PFKFB3: variants seen among roughly 807,000 people sequenced by gnomAD.
PFKFB3 encodes 6-phosphofructo-2-kinase/fructose-2,6-biphosphatase 3.
A neutral mutation model predicts 68.0 loss-of-function variants in PFKFB3; 33 were observed. The observed-to-expected ratio is 0.49, with a 90% confidence interval of 0.37 to 0.65. PFKFB3 has a LOEUF of 0.65. Ranked by LOEUF, PFKFB3 falls within the 30% of genes least tolerant of loss-of-function variation. The pLI, the probability that PFKFB3 is intolerant of heterozygous loss-of-function variation, is 0.00. For synonymous variants in PFKFB3, 315 were observed against 288.2 expected, an observed-to-expected ratio of 1.09 and a Z score of -0.94; for missense variants, 586 against 712.2, an observed-to-expected ratio of 0.82 and a Z score of 2.02.
At chr10:6,194,909 A>T (rs7067751) in intron 1 of PFKFB3, among the ~76,000 whole-genome samples, 1 of 144,892 alleles carries the variant, frequency 6.9e-6, no homozygotes, top group East Asian at 2.0e-4. Context: ...GTCTTGCTCT[A>T]TCACCCAGGC....
the PFKFB3 span, among the ~76,000 whole-genome samples, chr10:6,272,275 CCCT>C: frequency 3.5e-3 from 533 of 152,294 alleles, 2 homozygotes; most frequent in Non-Finnish European, 6.5e-3. Flanking sequence ...TCTCCTGTGT[CCCT>C]CCCTTGACTC....
chr10:6,162,543 C>G (rs10905925), intron 1 of PFKFB3, among the ~76,000 whole-genome samples: 62,246 of 152,102 alleles, frequency 0.41, 13,857 homozygotes, highest in Non-Finnish European at 0.51. Flanking sequence ...TGTAAAGAAG[C>G]TCTTTCCTGC....
the PFKFB3 span, among the ~76,000 whole-genome samples, chr10:6,323,378 A>G: frequency 6.6e-6 from 1 of 152,208 alleles, no homozygotes; most frequent in African/African-American, 2.4e-5. Flanking sequence ...TTCAATGTCC[A>G]TAGGCAGAAA....
At chr10:6,170,379 C>CT (rs764239075) in intron 1 of PFKFB3, among the ~76,000 whole-genome samples, 163 of 152,058 alleles carry the variant, frequency 1.1e-3, no homozygotes, top group Non-Finnish European at 1.7e-3. Context: ...TTTATGTTTT[C>CT]TTTCTTGTTC....
intron 10 of PFKFB3, 33 bp downstream of exon 10, chr10:6,221,778 C>T (rs751671097): frequency 1.1e-5 from 16 of 1,431,066 alleles, no homozygotes; most frequent in Non-Finnish European, 1.5e-5. Context: ...TGACGGTCCC[C>T]AGCACACATG....
the PFKFB3 span, among the ~76,000 whole-genome samples, chr10:6,310,471 G>GA: frequency 1.2e-4 from 18 of 150,548 alleles, no homozygotes; most frequent in Non-Finnish European, 2.4e-4. Context: ...AAAGATATTC[G>GA]AAAAAAAAAG....
At chr10:6,194,965 C>T (rs1168705269) in intron 1 of PFKFB3, among the ~76,000 whole-genome samples, 1 of 151,980 alleles carries the variant, frequency 6.6e-6, no homozygotes, top group Non-Finnish European at 1.5e-5. Context: ...CTCCGCCTCC[C>T]AGGTTCGAGC....
chr10:6,150,981 C>T (rs1270666376), intron 1 of PFKFB3, among the ~76,000 whole-genome samples: 1 of 152,230 alleles, frequency 6.6e-6, no homozygotes, highest in Non-Finnish European at 1.5e-5. Flanking sequence ...GCCTGGGCGA[C>T]AGAGCCAAAC....
intron 1 of PFKFB3, chr10:6,163,966 C>G (rs1842048834): frequency 6.6e-6 from 1 of 152,354 alleles, no homozygotes; most frequent in Non-Finnish European, 1.5e-5. Flanking sequence ...CCGAGAAGGC[C>G]TGGGAGCGGC....
chr10:6,222,685 T>G (rs1219268908), intron 10 of PFKFB3, 170 bp from the exon 11 acceptor site: 5 of 642,292 alleles, frequency 7.8e-6, no homozygotes, highest in Non-Finnish European at 1.2e-5. Flanking sequence ...GCTTCACTCT[T>G]TTTGTGGCTG....
At chr10:6,192,582 C>A (rs1373058667) in intron 1 of PFKFB3, among the ~76,000 whole-genome samples, 1 of 151,914 alleles carries the variant, frequency 6.6e-6, no homozygotes, top group Non-Finnish European at 1.5e-5. Flanking sequence ...CCCAGCAGAA[C>A]GTGATCTGGG....
chr10:6,225,070 A>G, intron 13 of PFKFB3: 1 of 454,216 alleles, frequency 2.2e-6, no homozygotes, highest in South Asian at 1.6e-5. Context: ...TGACATTTGG[A>G]GGTGGGCCAG....
chr10:6,215,397 AGGCTGGGCCGCGGGCGTAG>A lies in PFKFB3; in HGVS notation c.299+89_299+107del. ...GGCATAAGGCTGGGCTGCAGGAGTA[AGGCTGGGCCGCGGGCGTAG>A]GGCTGGGCTGTGGGAATAAGGCTGG... On this transcript the variant is annotated intron_variant, in intron 3 of 14. Transcript: ENST00000379775. This position sits in a 1 kb window ranked among gnomAD's most constrained non-coding sequence, Gnocchi z 4.3. 9.3e-7 allele frequency: 1 copy of A among 1,079,692 alleles called. No homozygotes were observed. Among genetic ancestry groups the A allele is most frequent in the East Asian group, 2.5e-5 (1 of 39,786 alleles). The allele number at this position is 1,079,692 out of a possible 1,614,324, so 66.9% of individuals were successfully genotyped here. A position where few individuals can be genotyped will look rare whatever the true frequency, so the allele number is the denominator to read the frequency against.
intron 1 of PFKFB3, among the ~76,000 whole-genome samples, chr10:6,147,437 G>C (rs1415649553): frequency 6.6e-6 from 1 of 152,196 alleles, no homozygotes; most frequent in Non-Finnish European, 1.5e-5. Context: ...TCTGCCTCTT[G>C]ACAAGCTTCA....
chr10:6,266,619 A>G, the PFKFB3 span, among the ~76,000 whole-genome samples: 2 of 152,202 alleles, frequency 1.3e-5, no homozygotes, highest in African/African-American at 2.4e-5. Context: ...GTGTGTATCT[A>G]TATCTATATA....
chr10:6,219,541 T>C, intron 6 of PFKFB3, 28 bp from the exon 7 acceptor site: 1 of 1,613,838 alleles, frequency 6.2e-7, no homozygotes, highest in Non-Finnish European at 8.5e-7. Flanking sequence ...CAGCGTGATT[T>C]ATCAGCCACC....
intron 1 of PFKFB3, among the ~76,000 whole-genome samples, chr10:6,207,186 G>A (rs937608341): frequency 1.4e-4 from 21 of 152,340 alleles, no homozygotes; most frequent in African/African-American, 4.3e-4. Context: ...CTGCAATCCC[G>A]GCACCTCGGG....
At chr10:6,179,397 C>T (rs1408954218) in intron 1 of PFKFB3, among the ~76,000 whole-genome samples, 2 of 152,206 alleles carry the variant, frequency 1.3e-5, no homozygotes, top group Non-Finnish European at 2.9e-5. Flanking sequence ...TATTTTCTCT[C>T]GAAGTTTTGT....
chr10:6,304,691 T>C, the PFKFB3 span, among the ~76,000 whole-genome samples: 1 of 150,314 alleles, frequency 6.7e-6, no homozygotes, highest in East Asian at 2.0e-4. Context: ...GGAACTTTTT[T>C]TTTTTTTTTA....
Sources: gnomAD v4.1 joint callset for allele counts (sites outside exome capture counted in the v4.1 genomes callset) on GRCh38, gnomAD v4.1.1 for gene constraint, Gnocchi (gnomAD v3.1) non-coding constraint, MANE v1.5 for transcripts, NCBI Gene and HGNC (gene_info 2026-07-23, HGNC 2026-07-21) for gene names.